Variants in RPS6KC1 observed in about 807,000 individuals in gnomAD.
RPS6KC1 encodes inactive ribosomal protein S6 kinase delta-1.
In RPS6KC1, 54 loss-of-function variants were observed where a neutral mutation model predicts 103.8. That is an observed-to-expected ratio of 0.52 (90% CI 0.42 to 0.65). RPS6KC1 has a LOEUF of 0.65. Among genes scored for constraint, RPS6KC1 ranks in the 30% least tolerant of loss-of-function variants. The pLI, the probability that RPS6KC1 is intolerant of heterozygous loss-of-function variation, is 0.00. For missense variants in RPS6KC1, 1,151 were observed against 1,253.8 expected, an observed-to-expected ratio of 0.92 and a Z score of 1.24; for synonymous variants, 439 against 438.7, an observed-to-expected ratio of 1.00 and a Z score of -0.01.
chr1:213,718,405 A>G, the RPS6KC1 span, among the ~76,000 whole-genome samples: 25 of 152,188 alleles, frequency 1.6e-4, no homozygotes, highest in Non-Finnish European at 2.6e-4. Flanking sequence ...ACTGAGCCCT[A>G]TGAGGTTGAG....
At chr1:213,185,323 TC>T (rs1460382353) in intron 8 of RPS6KC1, among the ~76,000 whole-genome samples, 2 of 152,178 alleles carry the variant, frequency 1.3e-5, no homozygotes, top group Non-Finnish European at 2.9e-5. Context: ...GGGTCTTATT[TC>T]TTTATTCAGC....
At chr1:213,328,987 C>T in the RPS6KC1 span, among the ~76,000 whole-genome samples, 12 of 152,152 alleles carry the variant, frequency 7.9e-5, no homozygotes, top group South Asian at 2.1e-4. Flanking sequence ...AGTTCCGTCT[C>T]CTAGCCCTGA....
chr1:213,515,948 C>T, the RPS6KC1 span, among the ~76,000 whole-genome samples: 6 of 95,498 alleles, frequency 6.3e-5, no homozygotes, highest in East Asian at 3.7e-4. Context: ...TCCTTCACAT[C>T]CCTTGTAAGT....
intron 8 of RPS6KC1, among the ~76,000 whole-genome samples, chr1:213,180,707 A>T (rs1302318437): frequency 2.0e-5 from 3 of 152,180 alleles, no homozygotes; most frequent in Non-Finnish European, 4.4e-5. Flanking sequence ...CATTACTATT[A>T]TTTTAATATA....
the RPS6KC1 span, among the ~76,000 whole-genome samples, chr1:213,464,726 C>T: frequency 6.6e-6 from 1 of 150,780 alleles, no homozygotes; most frequent in Non-Finnish European, 1.5e-5. Context: ...CCATTGATTT[C>T]GGTATGTCGT....
chr1:213,478,997 A>G, the RPS6KC1 span, among the ~76,000 whole-genome samples: 1 of 151,924 alleles, frequency 6.6e-6, no homozygotes, highest in Admixed American at 6.6e-5. Flanking sequence ...TGTGCATGAA[A>G]AATGACTTAA....
the RPS6KC1 span, among the ~76,000 whole-genome samples, chr1:213,757,531 C>T: frequency 6.6e-6 from 1 of 152,078 alleles, no homozygotes. Flanking sequence ...AAGTTAAAAG[C>T]GAGTAGAGGT....
chr1:213,168,408 A>G (rs976792596), intron 7 of RPS6KC1, among the ~76,000 whole-genome samples: 1 of 152,200 alleles, frequency 6.6e-6, no homozygotes, highest in Non-Finnish European at 1.5e-5. Context: ...TCTAGCAGAG[A>G]TAGTTATGTT....
the RPS6KC1 span, among the ~76,000 whole-genome samples, chr1:213,861,306 C>T: frequency 6.6e-6 from 1 of 152,156 alleles, no homozygotes; most frequent in East Asian, 1.9e-4. Context: ...AACAAACTCC[C>T]CAAATGCCAG....
intron 6 of RPS6KC1, among the ~76,000 whole-genome samples, chr1:213,157,934 G>A (rs183504299): frequency 6.6e-6 from 1 of 152,056 alleles, no homozygotes; most frequent in East Asian, 1.9e-4. Context: ...ATTGTCTGTG[G>A]TAACTTTTCT....
chr1:213,188,462 C>G (rs1462816143), intron 8 of RPS6KC1, among the ~76,000 whole-genome samples: 1 of 151,038 alleles, frequency 6.6e-6, no homozygotes, highest in Non-Finnish European at 1.5e-5. Flanking sequence ...CAGGAATTAT[C>G]TCATTCTCAT....
At chr1:213,733,429 G>A in the RPS6KC1 span, among the ~76,000 whole-genome samples, 25 of 151,780 alleles carry the variant, frequency 1.6e-4, no homozygotes, top group Non-Finnish European at 3.1e-4. Context: ...TAGAGACAAG[G>A]TTTTGCCATG....
chr1:213,814,928 G>A, the RPS6KC1 span, among the ~76,000 whole-genome samples: 14 of 152,240 alleles, frequency 9.2e-5, no homozygotes, highest in Middle Eastern at 3.4e-3. Context: ...TTCTCCATGA[G>A]TAATAATTCT....
At chr1:213,598,330 C>T in the RPS6KC1 span, among the ~76,000 whole-genome samples, 1,777 of 152,264 alleles carry the variant, frequency 0.012, 36 homozygotes, top group African/African-American at 0.04. Flanking sequence ...TGTGCAAAGT[C>T]GCTCAGCCCA....
intron 5 of RPS6KC1, among the ~76,000 whole-genome samples, chr1:213,120,945 G>A (rs1298717508): frequency 1.3e-5 from 2 of 152,092 alleles, no homozygotes; most frequent in East Asian, 1.9e-4. Flanking sequence ...AAAACATGAC[G>A]ATCTGGGTGT....
the RPS6KC1 span, among the ~76,000 whole-genome samples, chr1:213,737,741 A>T: frequency 2.0e-5 from 3 of 152,344 alleles, no homozygotes; most frequent in African/African-American, 7.2e-5. Flanking sequence ...TACTGCAGCC[A>T]GCCCTGTCCT....
the RPS6KC1 span, among the ~76,000 whole-genome samples, chr1:213,469,013 T>A: frequency 6.6e-6 from 1 of 152,210 alleles, no homozygotes; most frequent in Non-Finnish European, 1.5e-5. Context: ...TTCCCAGCTG[T>A]CCTTCCTAAA....
chr1:213,499,226 C>T, the RPS6KC1 span, among the ~76,000 whole-genome samples: 2 of 152,090 alleles, frequency 1.3e-5, no homozygotes, highest in African/African-American at 4.8e-5. Flanking sequence ...AGATACAGAA[C>T]TAGAGGTATA....
At chr1:213,290,528 G>GGCTCC in the RPS6KC1 span, among the ~76,000 whole-genome samples, 2 of 5,426 alleles carry the variant, frequency 3.7e-4, no homozygotes, top group South Asian at 0.071. Context: ...CTCTGCTTCT[G>GGCTCC]ACTCCAGCCC....
Sources: allele counts gnomAD v4.1 joint callset (sites outside exome capture counted in the v4.1 genomes callset), GRCh38; gene constraint gnomAD v4.1.1; transcripts MANE v1.5; gene names NCBI Gene and HGNC (gene_info 2026-07-23, HGNC 2026-07-21).